The following NRIP1 variants were observed in gnomAD, a reference collection of about 807,000 sequenced individuals.
The protein encoded by NRIP1 is nuclear receptor-interacting protein 1.
A neutral mutation model predicts 75.0 loss-of-function variants in NRIP1; 28 were observed. The ratio of observed to expected loss-of-function variants is 0.37; its 90% CI spans 0.28 to 0.51. NRIP1 has a LOEUF of 0.51. Ranked by LOEUF, NRIP1 falls within the 20% of genes least tolerant of loss-of-function variation. The pLI, the probability that NRIP1 is intolerant of heterozygous loss-of-function variation, is 0.92. For synonymous variants in NRIP1, 526 were observed against 487.6 expected, an observed-to-expected ratio of 1.08 and a Z score of -1.04; for missense variants, 1,435 against 1,343.7, an observed-to-expected ratio of 1.07 and a Z score of -1.06.
Position 14,965,629 on chromosome 21 carries a change from A to G in NRIP1, c.2564T>C (p.Val855Ala), listed in dbSNP as rs1205561562. The G allele has an allele frequency of 1.2e-6, 2 of 1,613,130 alleles. No homozygotes were observed. Among genetic ancestry groups the G allele is most frequent in the African/African-American group, 2.7e-5 (2 of 74,758 alleles). The change falls in exon 4 of 4, where the codon GTC (valine) becomes GCC (alanine). Residue 855 changes from valine to alanine, a missense_variant. By Grantham distance (64) the Val-to-Ala change is moderately conservative. Coordinates refer to ENST00000318948, the MANE Select transcript of NRIP1 (RefSeq NM_003489.4). Reference sequence around the variant, plus strand: ...AGTATAAAGCTTCCTTTTCTTAGGGACCATGCAAAGATTCTTTGATTCTAG... The same window carrying G: ...AGTATAAAGCTTCCTTTTCTTAGGGGCCATGCAAAGATTCTTTGATTCTAG... The part of the protein sequence containing the change: ...ALLESKNLCM[V>A]PKKRKLYTEP...
At chr21:15,035,769 G>T in intron 2 of NRIP1, among the ~76,000 whole-genome samples, 1 of 151,974 alleles carries the variant, frequency 6.6e-6, no homozygotes, top group African/African-American at 2.4e-5. Context: ...TGCTGGCCAG[G>T]CTGGTCTCAA....
At chr21:14,999,162 C>T (rs536073819) in intron 3 of NRIP1, among the ~76,000 whole-genome samples, 157 of 151,968 alleles carry the variant, frequency 1.0e-3, no homozygotes, top group Non-Finnish European at 1.7e-3. Context: ...TTTTTAGTAG[C>T]GATAGGGTCT....
intron 3 of NRIP1, among the ~76,000 whole-genome samples, chr21:14,973,967 G>T (rs1568948063): frequency 6.6e-6 from 1 of 151,272 alleles, no homozygotes; most frequent in Non-Finnish European, 1.5e-5. Context: ...TTACAGGCGT[G>T]AACCACCACA....
At chr21:15,021,614 T>C (rs964297832) in intron 2 of NRIP1, among the ~76,000 whole-genome samples, 10 of 152,128 alleles carry the variant, frequency 6.6e-5, no homozygotes, top group Non-Finnish European at 1.5e-4. Flanking sequence ...ATATATTACA[T>C]ACAAAATCAT....
In NRIP1 at chr21:14,981,222, C is replaced by T. The variant is rs1018562429; in HGVS notation, c.-334-12696G>A. Among the ~76,000 whole-genome samples the T allele has an allele frequency of 2.6e-5, 4 of 152,330 alleles. No individual in the cohort carries two copies. The East Asian group carries it at 7.7e-4, about 29-fold the overall frequency. On this transcript the variant is annotated intron_variant, in intron 3 of 3. Coordinates refer to ENST00000318948, the MANE Select transcript of NRIP1 (RefSeq NM_003489.4). The stretch of plus-strand genomic sequence containing the variant: ...ATGTCTGTCAACTTGGAAAATGAAG[C>T]TACCAGCACACCATCAGCAGGCCAC...
At chr21:15,024,245 C>T (rs2088453566) in intron 2 of NRIP1, among the ~76,000 whole-genome samples, 1 of 152,112 alleles carries the variant, frequency 6.6e-6, no homozygotes, top group South Asian at 2.1e-4. Context: ...ATAAAATACA[C>T]TGCCAAAAAC....
At chr21:14,973,832 A>G (rs2086971353) in intron 3 of NRIP1, among the ~76,000 whole-genome samples, 1 of 145,768 alleles carries the variant, frequency 6.9e-6, no homozygotes, top group African/African-American at 2.6e-5. Context: ...GTGTGCCACC[A>G]TGCAGAGCTG....
At position 15,019,470 on chromosome 21, in the gene NRIP1, C is replaced by CTTTTTTTTTTTTTT. The variant is rs539278321; in HGVS notation, c.-457-5018_-457-5005dup. 1.0e-4 allele frequency among the ~76,000 whole-genome samples: 4 copies of CTTTTTTTTTTTTTT among 38,696 alleles called. 2 individuals carry two copies. The East Asian group carries it at 3.7e-3, about 36-fold the overall frequency. 25.4% of individuals were successfully genotyped at this position (38,696 alleles called of 152,430 possible). ...ACAAGATCCACAAACAACTGCATTT[C>CTTTTTTTTTTTTTT]TTTTTTTTTTTTTTTTTTTTTTTTT... On this transcript the variant is annotated intron_variant, in intron 2 of 3. Coordinates refer to ENST00000318948, the MANE Select transcript of NRIP1 (RefSeq NM_003489.4).
chr21:15,009,949 T>G (rs975572388), intron 3 of NRIP1, among the ~76,000 whole-genome samples: 1 of 151,998 alleles, frequency 6.6e-6, no homozygotes, highest in African/African-American at 2.4e-5. Context: ...AAGCACTAGC[T>G]TGGAGGACAG....
chr21:14,973,598 T>G (rs2086964178), intron 3 of NRIP1, among the ~76,000 whole-genome samples: 1 of 152,116 alleles, frequency 6.6e-6, no homozygotes, highest in Non-Finnish European at 1.5e-5. Context: ...AACAAAAAAT[T>G]TAGTATAACA....
chr21:14,968,378 A>C lies in NRIP1; in HGVS notation c.-186T>G. The C allele has an allele frequency of 1.7e-6, 1 of 586,292 alleles. No homozygotes were observed. The highest frequency in any genetic ancestry group is 3.1e-6 in the Non-Finnish European group (1 of 325,268). The allele number at this position is 586,292 out of a possible 1,614,324, so 36.3% of individuals were successfully genotyped here. A position where few individuals can be genotyped will look rare whatever the true frequency, so the allele number is the denominator to read the frequency against. On this transcript the variant is annotated 5_prime_UTR_variant, in exon 4 of 4. Transcript: ENST00000318948. The stretch of plus-strand genomic sequence containing the variant: ...GCAATGACAAGATAAATGCAGTCTG[A>C]CCACAGTGCTGATCAACTTCTACGC...
chr21:14,987,041 T>C (rs1290708216), intron 3 of NRIP1, among the ~76,000 whole-genome samples: 1 of 152,200 alleles, frequency 6.6e-6, no homozygotes, highest in Non-Finnish European at 1.5e-5. Context: ...TATAACCCAT[T>C]TGCTATCTCT....
intron 1 of NRIP1, among the ~76,000 whole-genome samples, chr21:15,055,152 C>T (rs922576305): frequency 1.2e-4 from 19 of 152,234 alleles, no homozygotes; most frequent in African/African-American, 4.1e-4. Context: ...TATTTGTTAC[C>T]TTTCTCAAGA....
intron 1 of NRIP1, among the ~76,000 whole-genome samples, chr21:15,048,482 C>T (rs1325436003): frequency 3.3e-5 from 5 of 152,106 alleles, no homozygotes; most frequent in African/African-American, 9.6e-5. Flanking sequence ...AAATCTTAGT[C>T]GACAGAAGGC....
At chr21:15,035,533 G>A (rs35818238) in intron 2 of NRIP1, among the ~76,000 whole-genome samples, 94 of 150,466 alleles carry the variant, frequency 6.2e-4, no homozygotes, top group Non-Finnish European at 1.0e-3. Flanking sequence ...GTGGTCACCA[G>A]ACTAAGTTTA....
At chr21:15,056,405 A>T (rs1181889868) in intron 1 of NRIP1, among the ~76,000 whole-genome samples, 1 of 152,314 alleles carries the variant, frequency 6.6e-6, no homozygotes, top group Admixed American at 6.5e-5. Flanking sequence ...CCACAATAAT[A>T]GCAAACATCC....
chr21:15,056,634 T>C (rs972417011), intron 1 of NRIP1, among the ~76,000 whole-genome samples: 2 of 152,318 alleles, frequency 1.3e-5, no homozygotes, highest in East Asian at 3.9e-4. Context: ...GGCCAAAATA[T>C]AACGTATTCT....
intron 1 of NRIP1, chr21:15,050,917 T>A (rs79668132): frequency 2.2e-5 from 10 of 456,030 alleles, no homozygotes; most frequent in South Asian, 1.5e-4. Context: ...TCTTACAGTT[T>A]AGAGCCTGTA....
rs551752491 is a variant in NRIP1, at chr21:14,964,745, C to A, written c.3448G>T (p.Val1150Leu). 6.4e-7 allele frequency: 1 copy of A among 1,560,732 alleles called. No homozygotes were observed. Among genetic ancestry groups the A allele is most frequent in the Non-Finnish European group, 8.6e-7 (1 of 1,160,818 alleles). The change falls in exon 4 of 4, where the codon GTG becomes TTG. Residue 1150 changes from valine to leucine, a missense_variant. Val to Leu is a conservative substitution (Grantham distance 32, BLOSUM62 1). Coordinates refer to ENST00000318948, the MANE Select transcript of NRIP1 (RefSeq NM_003489.4). The stretch of plus-strand genomic sequence containing the variant: ...TCTGATTCTTTCTTTATCGTTAGCA[C>A]GCTTCCCAGAAGTCCATAAACTTCT... The part of the protein sequence containing the change: ...NGEVYGLLGS[V>L]LTIKKESE
Sources: gnomAD v4.1 joint callset for allele counts (sites outside exome capture counted in the v4.1 genomes callset) on GRCh38, gnomAD v4.1.1 for gene constraint, MANE v1.5 for transcripts, NCBI Gene and HGNC (gene_info 2026-07-23, HGNC 2026-07-21) for gene names.